Variants in TMEM245 observed in about 807,000 individuals in gnomAD.
The protein encoded by TMEM245 is protein CG-2.
TMEM245 carries 69 observed loss-of-function variants against 101.2 expected under a neutral mutation model. The ratio of observed to expected loss-of-function variants is 0.68; its 90% CI spans 0.56 to 0.83. The LOEUF (loss-of-function observed/expected upper bound fraction) is 0.83, where lower values mean the gene tolerates loss of function less well. TMEM245 is among the 40% of genes least tolerant of loss of function. The pLI, the probability that TMEM245 is intolerant of heterozygous loss-of-function variation, is 0.00. For missense variants in TMEM245, 1,075 were observed against 1,092.8 expected (o/e 0.98, Z 0.23); for synonymous variants, 537 against 449.8 (o/e 1.19, Z -2.45).
intron 6 of TMEM245, 62 bp downstream of exon 6, chr9:109,087,111 A>G (rs886966069): frequency 2.3e-5 from 34 of 1,449,328 alleles, no homozygotes; most frequent in Non-Finnish European, 3.1e-5. Flanking sequence ...TAGAATGGAA[A>G]AGTTCAAACC....
intron 10 of TMEM245, among the ~76,000 whole-genome samples, chr9:109,061,078 G>A (rs1408595457): frequency 6.6e-6 from 1 of 152,168 alleles, no homozygotes; most frequent in Non-Finnish European, 1.5e-5. Context: ...CACTTTCAGA[G>A]GCTGAGGTGG....
chr9:109,043,797 T>C lies in TMEM245; in HGVS notation c.2124-5680A>G, dbSNP rs561763134. 8.2e-4 allele frequency among the ~76,000 whole-genome samples: 125 copies of C among 152,250 alleles called. 1 individual carries two copies. Among genetic ancestry groups the C allele is most frequent in the Non-Finnish European group, 1.4e-3 (95 of 68,016 alleles). The stretch of plus-strand genomic sequence containing the variant: ...AGATGTTCTCCTGTCCCATACTATA[T>C]ATAGACTATTATAGAGCAGGATTCC... On this transcript the variant is annotated intron_variant, in intron 14 of 17. Coordinates refer to ENST00000374586, the MANE Select transcript of TMEM245 (RefSeq NM_032012.4).
At chr9:109,047,629 A>T (rs1188950450) in intron 14 of TMEM245, among the ~76,000 whole-genome samples, 1 of 152,276 alleles carries the variant, frequency 6.6e-6, no homozygotes, top group East Asian at 1.9e-4. Flanking sequence ...GGTGACAGAC[A>T]TTTAGAGGAT....
At chr9:109,063,766 A>G (rs1025592966) in intron 10 of TMEM245, among the ~76,000 whole-genome samples, 1 of 152,072 alleles carries the variant, frequency 6.6e-6, no homozygotes, top group Non-Finnish European at 1.5e-5. Flanking sequence ...CTGTCTCAGC[A>G]TCTCAATCAT....
intron 16 of TMEM245, among the ~76,000 whole-genome samples, chr9:109,034,082 C>G (rs1299730783): frequency 6.6e-6 from 1 of 152,196 alleles, no homozygotes; most frequent in African/African-American, 2.4e-5. Context: ...TGCCCTCCAG[C>G]TTATTACAGT....
intron 3 of TMEM245, among the ~76,000 whole-genome samples, chr9:109,094,649 GATTA>G (rs759240358): frequency 2.0e-5 from 3 of 152,150 alleles, no homozygotes; most frequent in Non-Finnish European, 4.4e-5. Context: ...CAGATTCCAA[GATTA>G]ATTGTCTGGT....
At chr9:109,084,794 C>T (rs1023431397) in intron 7 of TMEM245, among the ~76,000 whole-genome samples, 1 of 152,200 alleles carries the variant, frequency 6.6e-6, no homozygotes, top group Non-Finnish European at 1.5e-5. Flanking sequence ...CTTACCCATA[C>T]TAGTTTTATA....
At chr9:109,075,456 T>C (rs1160021380) in intron 8 of TMEM245, among the ~76,000 whole-genome samples, 1 of 152,184 alleles carries the variant, frequency 6.6e-6, no homozygotes, top group East Asian at 1.9e-4. Flanking sequence ...CGCTACATGT[T>C]TGATAAAACT....
At chr9:109,079,582 T>A (rs1313812069) in intron 8 of TMEM245, among the ~76,000 whole-genome samples, 1 of 152,102 alleles carries the variant, frequency 6.6e-6, no homozygotes, top group Non-Finnish European at 1.5e-5. Context: ...AAAGCTCAGT[T>A]TGGATGAATT....
At chr9:109,051,560 G>A (rs371318020) in intron 12 of TMEM245, among the ~76,000 whole-genome samples, 3 of 152,198 alleles carry the variant, frequency 2.0e-5, no homozygotes, top group Admixed American at 6.5e-5. Context: ...GCGTGTTACT[G>A]TACTGAATAC....
intron 1 of TMEM245, among the ~76,000 whole-genome samples, chr9:109,114,264 A>C (rs1480036521): frequency 1.3e-5 from 2 of 152,210 alleles, no homozygotes; most frequent in African/African-American, 4.8e-5. Context: ...CAAAGTCTTT[A>C]ACTGAGAAAA....
intron 9 of TMEM245, among the ~76,000 whole-genome samples, chr9:109,068,578 G>A (rs1264482408): frequency 6.6e-6 from 1 of 152,038 alleles, no homozygotes. Context: ...GGTGAAGGTT[G>A]CACTGAGCCA....
At chr9:109,044,884 C>G (rs537205309) in intron 14 of TMEM245, among the ~76,000 whole-genome samples, 2 of 151,862 alleles carry the variant, frequency 1.3e-5, no homozygotes, top group Non-Finnish European at 2.9e-5. Flanking sequence ...CTGAGCCTCC[C>G]GAGTAGCTAG....
At chr9:109,075,461 A>G (rs1829469778) in intron 8 of TMEM245, among the ~76,000 whole-genome samples, 1 of 152,216 alleles carries the variant, frequency 6.6e-6, no homozygotes, top group African/African-American at 2.4e-5. Context: ...CATGTTTGAT[A>G]AAACTCATCA....
At chr9:109,048,286 A>G (rs1268469593) in intron 14 of TMEM245, among the ~76,000 whole-genome samples, 1 of 152,226 alleles carries the variant, frequency 6.6e-6, no homozygotes, top group Non-Finnish European at 1.5e-5. Flanking sequence ...AGAACTTAGC[A>G]AAAGTTCTAC....
At position 109,086,797 on chromosome 9, in the gene TMEM245, G is replaced by A. The variant is rs569810984; in HGVS notation, c.1320+376C>T. Among the ~76,000 whole-genome samples the A allele has an allele frequency of 1.8e-3, 275 of 152,218 alleles. 1 individual carries two copies. The highest frequency in any genetic ancestry group is 2.1e-3 in the Non-Finnish European group (145 of 68,028). The stretch of plus-strand genomic sequence containing the variant: ...CCATGATTCATCTGATTTTCCGTAG[G>A]ACTTAATACAGTATCTGACATATGG... On this transcript the variant is annotated intron_variant, in intron 6 of 17. Transcript: ENST00000374586.
chr9:109,116,716 C>T (rs1282149806), intron 1 of TMEM245, among the ~76,000 whole-genome samples: 3 of 151,636 alleles, frequency 2.0e-5, no homozygotes, highest in African/African-American at 7.3e-5. Context: ...TTAGTAGAGA[C>T]GGGGTTTTAC....
chr9:109,045,998 T>A (rs896535400), intron 14 of TMEM245, among the ~76,000 whole-genome samples: 2 of 152,188 alleles, frequency 1.3e-5, no homozygotes, highest in African/African-American at 4.8e-5. Context: ...TTGCTCAAAG[T>A]AAAAAATGGA....
intron 5 of TMEM245, among the ~76,000 whole-genome samples, chr9:109,089,002 G>A (rs147232560): frequency 2.0e-5 from 3 of 151,944 alleles, no homozygotes; most frequent in South Asian, 2.1e-4. Flanking sequence ...GGCCGGGGAC[G>A]GTGACTCACA....
Sources: gnomAD v4.1 joint callset for allele counts (sites outside exome capture counted in the v4.1 genomes callset) on GRCh38, gnomAD v4.1.1 for gene constraint, MANE v1.5 for transcripts, NCBI Gene and HGNC (gene_info 2026-07-23, HGNC 2026-07-21) for gene names.